SYTL4: variants seen among roughly 807,000 people sequenced by gnomAD.
SYTL4 encodes the protein synaptotagmin like 4, also known as synaptotagmin-like protein 4.
A neutral mutation model predicts 52.7 loss-of-function variants in SYTL4; 16 were observed. That is an observed-to-expected ratio of 0.30 (90% CI 0.21 to 0.46). The LOEUF (loss-of-function observed/expected upper bound fraction) is 0.46. Among genes scored for constraint, SYTL4 ranks in the 20% least tolerant of loss-of-function variants. The pLI is 1.00. For synonymous variants in SYTL4, 160 were observed against 186.6 expected (o/e 0.86, Z 1.16); for missense variants, 423 against 519.9 (o/e 0.81, Z 1.81).
At chrX:100,704,330 T>C (rs753383048) in intron 3 of SYTL4, among the ~76,000 whole-genome samples, 1 of 112,266 alleles carries the variant, frequency 8.9e-6, no homozygotes, top group African/African-American at 3.2e-5. Context: ...AAACGTTGTT[T>C]AAAAAATTAA....
At chrX:100,686,205 C>G in intron 15 of SYTL4, 54 bp from the exon 16 acceptor site, 1 of 1,102,241 alleles carries the variant, frequency 9.1e-7, no homozygotes, top group Non-Finnish European at 1.2e-6. Flanking sequence ...ATTCTTCAGA[C>G]AAGATTATTC....
intron 12 of SYTL4, among the ~76,000 whole-genome samples, chrX:100,688,792 T>C (rs1366186266): frequency 2.7e-5 from 3 of 109,121 alleles, no homozygotes; most frequent in Middle Eastern, 4.7e-3. Context: ...CTCAAACTCC[T>C]GATCTCAGGT....
chrX:100,679,065 GAATT>G (rs767685380), intron 18 of SYTL4, among the ~76,000 whole-genome samples: 2 of 111,900 alleles, frequency 1.8e-5, no homozygotes, highest in Admixed American at 9.5e-5. Context: ...TTTTCACCCA[GAATT>G]AATTAAGAAC....
chrX:100,675,994 C>G lies in SYTL4; in HGVS notation c.*34G>C. The G allele has an allele frequency of 8.4e-7, 1 of 1,193,941 alleles. No homozygotes were observed. The highest frequency in any genetic ancestry group is 1.1e-6 in the Non-Finnish European group (1 of 885,389). ...TTCTTCACTTCCTCTGACCTGCCCTCGCCAGGGCTGGACCTGCAGAAGAGG... is the reference window on the plus strand; with the variant it reads ...TTCTTCACTTCCTCTGACCTGCCCTGGCCAGGGCTGGACCTGCAGAAGAGG... On this transcript the variant is annotated 3_prime_UTR_variant, in exon 20 of 20. Coordinates refer to ENST00000372989, the MANE Select transcript of SYTL4 (RefSeq NM_001370165.1).
In SYTL4 at chrX:100,683,295, C is replaced by A. The variant is rs762698838; in HGVS notation, c.1450-1960G>T. 5.5e-5 allele frequency among the ~76,000 whole-genome samples: 6 copies of A among 109,081 alleles called. 1 individual carries two copies. The South Asian group carries it at 2.4e-3, about 44-fold the overall frequency. 94.7% of individuals were successfully genotyped at this position (109,081 alleles called of 115,157 possible). ...CCGAGTAGCTGGGACTACAGGCGCA[C>A]ACCACCACACCCAGCTAATTTTTGT... On this transcript the variant is annotated intron_variant, in intron 16 of 19. Transcript: ENST00000372989.
In SYTL4 at chrX:100,701,932, T is replaced by A. The variant is rs140273472; in HGVS notation, c.106A>T (p.Ile36Phe). 13 of 1,202,271 alleles carry A rather than the reference T, an allele frequency of 1.1e-5. No homozygotes were observed. The African/African-American group carries it at 2.3e-4, about 21-fold the overall frequency. ...TGCGTTTTGGGGAACTCTTACCTAA[T>A]CCTTTTCTCATCTGCTTTCCGGACC... ...EEVRKADEKR[I>F]RRLKNELLEI... Residue 36 changes from isoleucine (I) to phenylalanine (F), a missense_variant, in exon 5 of 20, where the codon ATT (isoleucine) becomes TTT (phenylalanine). Physicochemically the swap from Ile to Phe is conservative, Grantham distance 21 (BLOSUM62 0). Transcript: ENST00000372989.
intron 8 of SYTL4, among the ~76,000 whole-genome samples, chrX:100,697,472 T>C (rs1183559935): frequency 1.8e-5 from 2 of 111,565 alleles, no homozygotes; most frequent in East Asian, 5.6e-4. Flanking sequence ...TAAAATGAAA[T>C]AATAGTCTGG....
chrX:100,685,918 A>ATAG (rs772126335), intron 16 of SYTL4, 72 bp downstream of exon 16: 32 of 1,040,983 alleles, frequency 3.1e-5, no homozygotes, highest in Non-Finnish European at 3.6e-5. Flanking sequence ...CGCTACCAAC[A>ATAG]TAGACCAGCA....
At chrX:100,709,094 G>C (rs2084015209) in intron 2 of SYTL4, among the ~76,000 whole-genome samples, 1 of 111,917 alleles carries the variant, frequency 8.9e-6, no homozygotes, top group Non-Finnish European at 1.9e-5. Flanking sequence ...AAATCTATCT[G>C]TGTTTACATG....
intron 2 of SYTL4, among the ~76,000 whole-genome samples, chrX:100,717,404 C>A (rs1035401215): frequency 2.7e-5 from 3 of 113,011 alleles, no homozygotes; most frequent in African/African-American, 9.6e-5. Context: ...TGTTTTTCAG[C>A]TGGATAAGCA....
chrX:100,718,037 G>C (rs907727190), intron 2 of SYTL4, among the ~76,000 whole-genome samples: 33 of 111,895 alleles, frequency 2.9e-4, no homozygotes, highest in African/African-American at 1.1e-3. Flanking sequence ...TAAAAATGAG[G>C]ATTAATAATA....
chrX:100,685,841 AATT>A, intron 16 of SYTL4, 146 bp downstream of exon 16: 5 of 513,504 alleles, frequency 9.7e-6, no homozygotes, highest in Non-Finnish European at 1.5e-5. Flanking sequence ...ATGCCTCTGA[AATT>A]GCTGTCAAAC....
At chrX:100,723,923 G>A (rs746347332) in intron 2 of SYTL4, among the ~76,000 whole-genome samples, 1 of 105,293 alleles carries the variant, frequency 9.5e-6, no homozygotes, top group Non-Finnish European at 2.0e-5. Context: ...GGAGGTGGGG[G>A]GTCAGCCCCC....
intron 2 of SYTL4, among the ~76,000 whole-genome samples, chrX:100,716,450 C>CAAAAAAAAAAAAAAAAAAAA (rs200368843): frequency 4.3e-4 from 11 of 25,790 alleles, no homozygotes; most frequent in Non-Finnish European, 5.5e-4. Context: ...AACTCCATCT[C>CAAAAAAAAAAAAAAAAAAAA]AAAAAAAAAA....
At chrX:100,716,438 A>C (rs1285631031) in intron 2 of SYTL4, among the ~76,000 whole-genome samples, 1 of 81,728 alleles carries the variant, frequency 1.2e-5, no homozygotes, top group Admixed American at 1.6e-4. Context: ...CAACAAGAGC[A>C]AAACTCCATC....
intron 2 of SYTL4, among the ~76,000 whole-genome samples, chrX:100,707,143 A>T (rs2083973365): frequency 8.9e-6 from 1 of 111,812 alleles, no homozygotes; most frequent in Non-Finnish European, 1.9e-5. Context: ...CCAACTGGAG[A>T]ATTACATTAT....
chrX:100,705,228 G>A (rs1296773857), intron 2 of SYTL4, among the ~76,000 whole-genome samples: 3 of 111,653 alleles, frequency 2.7e-5, no homozygotes, highest in Non-Finnish European at 5.6e-5. Context: ...TTGACTATAC[G>A]CCAAACAAGT....
intron 8 of SYTL4, among the ~76,000 whole-genome samples, chrX:100,697,456 G>T (rs764571806): frequency 8.9e-6 from 1 of 112,080 alleles, no homozygotes; most frequent in East Asian, 2.8e-4. Flanking sequence ...CCATATTAAA[G>T]TTCAGTAAAA....
At chrX:100,688,715 C>T (rs1349288254) in intron 12 of SYTL4, among the ~76,000 whole-genome samples, 1 of 109,534 alleles carries the variant, frequency 9.1e-6, no homozygotes, top group African/African-American at 3.3e-5. Context: ...CAGGCACCCG[C>T]CACCACACCT....
Sources: gnomAD v4.1 joint callset for allele counts (sites outside exome capture counted in the v4.1 genomes callset) on GRCh38, gnomAD v4.1.1 for gene constraint, MANE v1.5 for transcripts, NCBI Gene and HGNC (gene_info 2026-07-23, HGNC 2026-07-21) for gene names.